The following SDK1 variants were observed in gnomAD, a reference collection of about 807,000 sequenced individuals.
The protein encoded by SDK1 is protein sidekick-1.
In SDK1, 157 loss-of-function variants were observed where a neutral mutation model predicts 245.5. The observed-to-expected ratio is 0.64, with a 90% CI of 0.56 to 0.73. The LOEUF is 0.73. SDK1 is among the 30% of genes least tolerant of loss of function. SDK1 has a pLI of 0.00. For missense variants in SDK1, 3,583 were observed against 3,002.3 expected (o/e 1.19, Z -4.52); for synonymous variants, 1,647 against 1,278.5 (o/e 1.29, Z -6.15).
At chr7:4,090,993 T>A (rs1288896748) in intron 22 of SDK1, among the ~76,000 whole-genome samples, 3 of 152,204 alleles carry the variant, frequency 2.0e-5, no homozygotes, top group African/African-American at 7.2e-5. Flanking sequence ...AGTCTTATGA[T>A]CAAAGTGGGC....
At chr7:3,414,832 T>G (rs1293266987) in intron 1 of SDK1, among the ~76,000 whole-genome samples, 1 of 152,188 alleles carries the variant, frequency 6.6e-6, no homozygotes, top group Non-Finnish European at 1.5e-5. Flanking sequence ...AATGTGTGTT[T>G]TTTTTGGTGT....
At chr7:3,509,079 TGTGTGC>T (rs1177836088) in intron 1 of SDK1, among the ~76,000 whole-genome samples, 7 of 138,468 alleles carry the variant, frequency 5.1e-5, no homozygotes, top group African/African-American at 1.9e-4. Flanking sequence ...TGTGTGTGTG[TGTGTGC>T]GTGTGTGTGT....
chr7:3,741,859 G>T (rs940241748), intron 4 of SDK1, among the ~76,000 whole-genome samples: 5 of 151,920 alleles, frequency 3.3e-5, no homozygotes, highest in African/African-American at 1.2e-4. Flanking sequence ...CGTGTGTGTG[G>T]ACCTATCTTT....
Position 4,233,322 on chromosome 7 carries a change from G to A in SDK1, c.5895G>A (p.Leu1965=). 6.2e-7 allele frequency: 1 copy of A among 1,613,968 alleles called. No homozygotes were observed. The highest frequency in any genetic ancestry group is 8.5e-7 in the Non-Finnish European group (1 of 1,180,036). Reference sequence around the variant, plus strand: ...GCGCCACATCCTACACCCTCAGCCTGGATAAGCTCCGGCAAGGAGTGACTT... The same window carrying A: ...GCGCCACATCCTACACCCTCAGCCTAGATAAGCTCCGGCAAGGAGTGACTT... ...PRSATSYTLS[L]DKLRQGVTYE... The change falls in exon 41 of 45, where the codon CTG becomes CTA. Residue 1965 remains leucine (L), a synonymous_variant. Coordinates refer to ENST00000404826, the MANE Select transcript of SDK1 (RefSeq NM_152744.4).
chr7:3,681,157 T>C (rs1294214259), intron 4 of SDK1, among the ~76,000 whole-genome samples: 1 of 151,986 alleles, frequency 6.6e-6, no homozygotes, highest in Non-Finnish European at 1.5e-5. Flanking sequence ...TTTGTATTTC[T>C]TTATAGTTTC....
In SDK1 at chr7:3,974,362, C is replaced by A. The variant is rs1204448972; in HGVS notation, c.1818-7C>A. The stretch of plus-strand genomic sequence containing the variant: ...TTGTAACTCAAGACCCTTTGCTTGG[C>A]CCACAGCTACGTTTGGAAGAAGGAC... On this transcript the variant is annotated splice_region_variant and splice_polypyrimidine_tract_variant and intron_variant, in intron 12 of 44. Transcript: ENST00000404826. 6.2e-7 allele frequency: 1 copy of A among 1,609,286 alleles called. No individual in the cohort carries two copies. The highest frequency in any genetic ancestry group is 8.5e-7 in the Non-Finnish European group (1 of 1,176,260).
intron 4 of SDK1, among the ~76,000 whole-genome samples, chr7:3,717,249 C>G (rs1172246017): frequency 6.6e-6 from 1 of 151,922 alleles, no homozygotes; most frequent in Non-Finnish European, 1.5e-5. Flanking sequence ...ATAGTATGTT[C>G]TGTAAAAATA....
chr7:4,041,447 G>C (rs1788630881), intron 17 of SDK1, among the ~76,000 whole-genome samples: 1 of 152,092 alleles, frequency 6.6e-6, no homozygotes, highest in Admixed American at 6.5e-5. Context: ...AACCTACCTT[G>C]ATACATCACT....
intron 1 of SDK1, among the ~76,000 whole-genome samples, chr7:3,411,366 A>C (rs1779194525): frequency 6.6e-6 from 1 of 152,234 alleles, no homozygotes; most frequent in Non-Finnish European, 1.5e-5. Flanking sequence ...TTTTGGAGCA[A>C]AAACGGTTGA....
intron 12 of SDK1, among the ~76,000 whole-genome samples, chr7:3,972,172 C>T (rs915949932): frequency 1.5e-4 from 23 of 151,750 alleles, no homozygotes; most frequent in South Asian, 4.2e-4. Flanking sequence ...CTCCACCTCC[C>T]GGGTTCACAC....
rs548141783 is a variant in SDK1, at chr7:3,318,575, C to T, written c.298+16691C>T. Among the ~76,000 whole-genome samples the T allele has an allele frequency of 2.6e-3, 396 of 152,306 alleles. 2 individuals carry two copies. The highest frequency in any genetic ancestry group is 0.01 in the Middle Eastern group (3 of 294). On this transcript the variant is annotated intron_variant, in intron 1 of 44. Coordinates refer to ENST00000404826, the MANE Select transcript of SDK1 (RefSeq NM_152744.4). ...AATACACAGAAGGCATTACTTATTA[C>T]TTGTTTCGTGACCTTTTGTCTTACC...
intron 1 of SDK1, among the ~76,000 whole-genome samples, chr7:3,458,523 T>C (rs1159219222): frequency 6.6e-6 from 1 of 152,086 alleles, no homozygotes; most frequent in Non-Finnish European, 1.5e-5. Flanking sequence ...CCCTTTTTTC[T>C]TCAGAATTTT....
At chr7:3,682,308 G>T (rs1784124850) in intron 4 of SDK1, among the ~76,000 whole-genome samples, 1 of 152,150 alleles carries the variant, frequency 6.6e-6, no homozygotes, top group Non-Finnish European at 1.5e-5. Flanking sequence ...TTTCGATTCT[G>T]TCCAGTGCTT....
rs745306432 is a variant in SDK1, at chr7:4,178,577, G to A, written c.5089G>A (p.Gly1697Ser). Residue 1697 changes from glycine to serine, a missense_variant, in exon 35 of 45, where the codon GGC becomes AGC. Physicochemically the swap from Gly to Ser is moderately conservative, Grantham distance 56. Coordinates refer to ENST00000404826, the MANE Select transcript of SDK1 (RefSeq NM_152744.4). ...PASAPVEVFV[G>S]EAAPAMAPQN... Reference sequence around the variant, plus strand: ...CAGCGCGCCCGTGGAGGTCTTTGTCGGCGAGGCTGGTAAGCTCCGTGCACC... The same window carrying A: ...CAGCGCGCCCGTGGAGGTCTTTGTCAGCGAGGCTGGTAAGCTCCGTGCACC... 20 of 1,610,376 alleles carry A rather than the reference G, an allele frequency of 1.2e-5. No homozygotes were observed. Among genetic ancestry groups the A allele is most frequent in the East Asian group, 4.5e-5 (2 of 44,888 alleles).
At chr7:4,029,214 C>CTTTT (rs532321663) in intron 17 of SDK1, among the ~76,000 whole-genome samples, 1 of 98,446 alleles carries the variant, frequency 1.0e-5, no homozygotes, top group Non-Finnish European at 1.9e-5. Flanking sequence ...TTTATTCTTT[C>CTTTT]TTTTTTTTTT....
chr7:3,446,729 C>T (rs561464319), intron 1 of SDK1, among the ~76,000 whole-genome samples: 1 of 152,150 alleles, frequency 6.6e-6, no homozygotes, highest in Non-Finnish European at 1.5e-5. Context: ...CAATCCCTAA[C>T]AAATAACTAG....
chr7:4,100,029 C>G (rs922724563), intron 22 of SDK1, among the ~76,000 whole-genome samples: 6 of 152,224 alleles, frequency 3.9e-5, no homozygotes, highest in African/African-American at 1.4e-4. Context: ...AGCCAGGCCT[C>G]ATGCCCCAGA....
At chr7:3,307,636 G>C (rs1030104644) in intron 1 of SDK1, among the ~76,000 whole-genome samples, 1 of 152,290 alleles carries the variant, frequency 6.6e-6, no homozygotes, top group Non-Finnish European at 1.5e-5. Context: ...CCATCAGCCT[G>C]ATACCAATCT....
intron 1 of SDK1, among the ~76,000 whole-genome samples, chr7:3,610,688 A>G (rs1781558676): frequency 6.6e-6 from 1 of 152,206 alleles, no homozygotes; most frequent in Non-Finnish European, 1.5e-5. Context: ...TCTTAGGGGA[A>G]AATATTGGAA....
Sources: gnomAD v4.1 joint callset for allele counts (sites outside exome capture counted in the v4.1 genomes callset) on GRCh38, gnomAD v4.1.1 for gene constraint, MANE v1.5 for transcripts, NCBI Gene and HGNC (gene_info 2026-07-23, HGNC 2026-07-21) for gene names.